PDE10A: variants seen among roughly 807,000 people sequenced by gnomAD.
The protein encoded by PDE10A is phosphodiesterase 10A, also known as cAMP and cAMP-inhibited cGMP 3',5'-cyclic phosphodiesterase 10A.
Under a neutral mutation model 97.7 loss-of-function variants are expected in PDE10A, and 39 were observed. The observed-to-expected ratio is 0.40, with a 90% CI of 0.31 to 0.52. PDE10A has a LOEUF of 0.52. Among genes scored for constraint, PDE10A ranks in the 20% least tolerant of loss-of-function variants. PDE10A has a pLI of 0.56. For missense variants in PDE10A, 731 were observed against 1,047.8 expected (o/e 0.70, Z 4.17); for synonymous variants, 371 against 376.8 (o/e 0.98, Z 0.18).
rs142047859 is a variant in PDE10A, at chr6:165,497,509, A to C, written c.995-15166T>G. 3.9e-5 allele frequency among the ~76,000 whole-genome samples: 6 copies of C among 152,358 alleles called. No individual in the cohort carries two copies. In the East Asian group the frequency reaches 1.2e-3, roughly 29 times the overall value. Reference sequence around the variant, plus strand: ...TATCCCTTTCTCTCATATCTAAAAGAAAATATCATATATAAATTGGATTTG... The same window carrying C: ...TATCCCTTTCTCTCATATCTAAAAGCAAATATCATATATAAATTGGATTTG... On this transcript the variant is annotated intron_variant, in intron 2 of 21. Transcript: ENST00000539869.
At chr6:165,397,534 A>T (rs1786263083) in intron 13 of PDE10A, among the ~76,000 whole-genome samples, 1 of 151,842 alleles carries the variant, frequency 6.6e-6, no homozygotes, top group Admixed American at 6.6e-5. Context: ...ACATGGCAAA[A>T]CCCTGTCTCT....
At chr6:165,833,148 C>G (rs1257741050) in intron 1 of PDE10A, among the ~76,000 whole-genome samples, 8 of 152,200 alleles carry the variant, frequency 5.3e-5, no homozygotes, top group Non-Finnish European at 1.2e-4. Context: ...ATGGATGTCC[C>G]TGTGGCTTCT....
chr6:165,700,463 T>C (rs1356216855), intron 1 of PDE10A, among the ~76,000 whole-genome samples: 1 of 152,230 alleles, frequency 6.6e-6, no homozygotes, highest in Non-Finnish European at 1.5e-5. Context: ...AATTACATGG[T>C]GTGTGAATGA....
chr6:165,406,556 T>C (rs1787189225), intron 13 of PDE10A, among the ~76,000 whole-genome samples: 1 of 151,896 alleles, frequency 6.6e-6, no homozygotes, highest in Admixed American at 6.6e-5. Context: ...AAGTTTTGGG[T>C]TTTTTTCCTA....
intron 1 of PDE10A, among the ~76,000 whole-genome samples, chr6:165,838,470 A>G (rs1780127281): frequency 6.6e-6 from 1 of 152,234 alleles, no homozygotes; most frequent in African/African-American, 2.4e-5. Context: ...GGTTTTTAGT[A>G]TATTTTCAAG....
chr6:165,745,732 A>T (rs1792828270), intron 1 of PDE10A, among the ~76,000 whole-genome samples: 1 of 152,220 alleles, frequency 6.6e-6, no homozygotes, highest in South Asian at 2.1e-4. Flanking sequence ...TATGACATGC[A>T]ATCCTCATAA....
intron 18 of PDE10A, among the ~76,000 whole-genome samples, chr6:165,355,786 A>G (rs1215804513): frequency 1.3e-5 from 2 of 152,032 alleles, no homozygotes; most frequent in East Asian, 1.9e-4. Flanking sequence ...AAATAAAAAC[A>G]AAACAACTAA....
intron 1 of PDE10A, among the ~76,000 whole-genome samples, chr6:165,943,935 C>A (rs896445305): frequency 6.6e-6 from 1 of 152,196 alleles, no homozygotes; most frequent in South Asian, 2.1e-4. Flanking sequence ...TGTGCCTTCC[C>A]TTCTGTATTA....
intron 1 of PDE10A, among the ~76,000 whole-genome samples, chr6:165,571,978 T>C (rs550709280): frequency 2.6e-5 from 4 of 152,234 alleles, no homozygotes; most frequent in Non-Finnish European, 4.4e-5. Flanking sequence ...GCATCTAAGC[T>C]GTGCACCCTA....
intron 1 of PDE10A, chr6:165,986,513 G>GTCTCTATCTCTCTCTCTC (rs1785224486): frequency 6.8e-6 from 1 of 146,058 alleles, no homozygotes; most frequent in Non-Finnish European, 1.5e-5. Flanking sequence ...CTCTCTCTCT[G>GTCTCTATCTCTCTCTCTC]TCTCTCTCTC....
chr6:165,892,308 A>G (rs1781826241), intron 1 of PDE10A, among the ~76,000 whole-genome samples: 1 of 152,208 alleles, frequency 6.6e-6, no homozygotes, highest in Non-Finnish European at 1.5e-5. Context: ...GGACCTCTCC[A>G]GAGAAGGCTG....
chr6:165,634,345 G>A (rs1282658238), intron 1 of PDE10A, among the ~76,000 whole-genome samples: 4 of 152,138 alleles, frequency 2.6e-5, no homozygotes, highest in South Asian at 2.1e-4. Flanking sequence ...CTGGGAGAGT[G>A]AGCCTGGGCT....
At chr6:165,480,604 T>C (rs2128280065) in intron 3 of PDE10A, among the ~76,000 whole-genome samples, 1 of 150,156 alleles carries the variant, frequency 6.7e-6, no homozygotes, top group African/African-American at 2.4e-5. Context: ...AAAAAGTATA[T>C]GAGAAAGAGA....
chr6:165,741,765 T>C (rs887492951), intron 1 of PDE10A, among the ~76,000 whole-genome samples: 2 of 152,056 alleles, frequency 1.3e-5, no homozygotes, highest in African/African-American at 2.4e-5. Flanking sequence ...AGAAATGAGA[T>C]TGATTGTGGG....
rs75841373 is a variant in PDE10A at position 165,360,842 on chromosome 6, A to C, written c.2784-17340T>G. Among the ~76,000 whole-genome samples, 505 of 152,332 alleles carry C rather than the reference A, an allele frequency of 3.3e-3. 4 individuals carry two copies. The highest frequency in any genetic ancestry group is 0.011 in the African/African-American group (471 of 41,580). ...GGGTCAGGAAAAGAGACAGTCAAAG[A>C]GACATGCCAAAACCACTGTCCTTCC... On this transcript the variant is annotated intron_variant, in intron 18 of 21. Transcript: ENST00000539869.
intron 1 of PDE10A, among the ~76,000 whole-genome samples, chr6:165,561,580 A>AT (rs1288588327): frequency 2.6e-5 from 4 of 152,264 alleles, no homozygotes; most frequent in Middle Eastern, 3.4e-3. Flanking sequence ...GTTGCACTAC[A>AT]TTTTTTTCTG....
chr6:165,883,702 C>T (rs190591780), intron 1 of PDE10A, among the ~76,000 whole-genome samples: 2,000 of 152,082 alleles, frequency 0.013, 31 homozygotes, highest in Non-Finnish European at 0.021. Context: ...TTGCTGGGAT[C>T]CTCGCACACC....
At chr6:165,695,892 T>A (rs1791431941) in intron 1 of PDE10A, among the ~76,000 whole-genome samples, 3 of 152,166 alleles carry the variant, frequency 2.0e-5, no homozygotes, top group Admixed American at 2.0e-4. Flanking sequence ...GAATTTGATG[T>A]TTGTAATGCA....
chr6:165,924,570 C>G (rs949964894), intron 1 of PDE10A, among the ~76,000 whole-genome samples: 6 of 152,170 alleles, frequency 3.9e-5, no homozygotes, highest in African/African-American at 1.4e-4. Context: ...GAAGATCTCC[C>G]TCTGTGGTAC....
Sources: gnomAD v4.1 joint callset for allele counts (sites outside exome capture counted in the v4.1 genomes callset) on GRCh38, gnomAD v4.1.1 for gene constraint, MANE v1.5 for transcripts, NCBI Gene and HGNC (gene_info 2026-07-23, HGNC 2026-07-21) for gene names.